The following MAP1LC3B2 variants were observed in gnomAD, a reference collection of about 807,000 sequenced individuals.
The protein encoded by MAP1LC3B2 is microtubule-associated protein 1 light chain 3 beta 2.
For synonymous variants in MAP1LC3B2, 62 were observed against 57.8 expected, an observed-to-expected ratio of 1.07 and a Z score of -0.33; for missense variants, 155 against 154.6, an observed-to-expected ratio of 1.00 and a Z score of -0.01.
chr12:116,574,893 C>A (rs1342043209), intron 1 of MAP1LC3B2, among the ~76,000 whole-genome samples: 2 of 151,616 alleles, frequency 1.3e-5, no homozygotes, highest in Non-Finnish European at 2.9e-5. Flanking sequence ...CCCTGCAACA[C>A]CTTGTTAAAT....
chr12:116,570,692 C>T (rs540048129), intron 1 of MAP1LC3B2, among the ~76,000 whole-genome samples: 1 of 152,292 alleles, frequency 6.6e-6, no homozygotes, highest in African/African-American at 2.4e-5. Flanking sequence ...GATTGTGAGG[C>T]CTCCCCAGCC....
At chr12:116,563,885 T>C (rs1313599352) in intron 1 of MAP1LC3B2, among the ~76,000 whole-genome samples, 1 of 152,144 alleles carries the variant, frequency 6.6e-6, no homozygotes, top group Admixed American at 6.5e-5. Flanking sequence ...CAGTCTTTAA[T>C]ATGCTGTTAA....
At chr12:116,563,952 C>G (rs756771854) in intron 1 of MAP1LC3B2, among the ~76,000 whole-genome samples, 1 of 151,820 alleles carries the variant, frequency 6.6e-6, no homozygotes, top group African/African-American at 2.4e-5. Flanking sequence ...GCTGTGTTGC[C>G]CAGGCTGGCC....
chr12:116,570,020 C>T (rs1869488557), intron 1 of MAP1LC3B2, among the ~76,000 whole-genome samples: 1 of 152,112 alleles, frequency 6.6e-6, no homozygotes, highest in Non-Finnish European at 1.5e-5. Context: ...CGCCACTGCA[C>T]TCCAGCCTGG....
intron 1 of MAP1LC3B2, among the ~76,000 whole-genome samples, chr12:116,568,835 T>C (rs150995089): frequency 1.4e-3 from 218 of 151,966 alleles, no homozygotes; most frequent in African/African-American, 5.1e-3. Context: ...CTTCCCAGCC[T>C]CTAGAACTGT....
chr12:116,576,010 T>C lies in MAP1LC3B2; in HGVS notation c.68T>C (p.Ile23Thr), dbSNP rs1869666596. 1.9e-6 allele frequency: 3 copies of C among 1,614,212 alleles called. No homozygotes were observed. The African/African-American group carries it at 4.0e-5, about 22-fold the overall frequency. The stretch of plus-strand genomic sequence containing the variant: ...CAAAGAGTAGAAGATGTCCGACTTA[T>C]TCGAGAGCAGCATCCAACCAAAATC... Reference protein sequence around the residue: ...FEQRVEDVRLIREQHPTKIPV... With the variant: ...FEQRVEDVRLTREQHPTKIPV... Residue 23 changes from isoleucine (I) to threonine (T), a missense_variant, in exon 2 of 2, where the codon ATT becomes ACT. Coordinates refer to ENST00000556529, the MANE Select transcript of MAP1LC3B2 (RefSeq NM_001085481.3).
intron 1 of MAP1LC3B2, among the ~76,000 whole-genome samples, chr12:116,570,275 A>T (rs913597695): frequency 1.3e-5 from 2 of 152,332 alleles, no homozygotes; most frequent in Middle Eastern, 3.4e-3. Flanking sequence ...TAGAAACTGT[A>T]CTTCAAGTAC....
intron 1 of MAP1LC3B2, 97 bp from the exon 2 acceptor site, chr12:116,575,745 G>A (rs994182495): frequency 3.1e-6 from 2 of 648,966 alleles, no homozygotes; most frequent in African/African-American, 3.7e-5. Context: ...GATGTTTTCT[G>A]TAAAAGAACA....
intron 1 of MAP1LC3B2, among the ~76,000 whole-genome samples, chr12:116,566,043 C>A (rs1869377768): frequency 6.6e-6 from 1 of 152,144 alleles, no homozygotes; most frequent in South Asian, 2.1e-4. Flanking sequence ...CACAACAAAT[C>A]CATTTTATGA....
chr12:116,560,394 G>A (rs1003965753), intron 1 of MAP1LC3B2, among the ~76,000 whole-genome samples: 10 of 151,712 alleles, frequency 6.6e-5, no homozygotes, highest in African/African-American at 1.9e-4. Context: ...GATTACAGGT[G>A]CGCCACCACG....
chr12:116,567,525 A>C (rs1280849448), intron 1 of MAP1LC3B2, among the ~76,000 whole-genome samples: 1 of 138,342 alleles, frequency 7.2e-6, no homozygotes, highest in Non-Finnish European at 1.5e-5. Flanking sequence ...ACGTGGGTGG[A>C]TCACTTGAGG....
intron 1 of MAP1LC3B2, chr12:116,560,188 C>CAATA (rs1491120344): frequency 4.5e-5 from 4 of 88,442 alleles, no homozygotes; most frequent in African/African-American, 1.4e-4. Context: ...CTAAGTTTGG[C>CAATA]TATATATATA....
rs1869236368 is a variant in MAP1LC3B2 at position 116,560,250 on chromosome 12, A to G, written c.-102+817A>G. Reference sequence around the variant, plus strand: ...TATATATATATATATATGTATGTATATGTATATATATATATTTAGATAGAG... The same window carrying G: ...TATATATATATATATATGTATGTATGTGTATATATATATATTTAGATAGAG... On this transcript the variant is annotated intron_variant, in intron 1 of 1. Transcript: ENST00000556529. 1.6e-5 allele frequency among the ~76,000 whole-genome samples: 2 copies of G among 126,676 alleles called. 1 individual carries two copies. Among genetic ancestry groups the G allele is most frequent in the African/African-American group, 5.8e-5 (2 of 34,318 alleles). 83.1% of individuals were successfully genotyped at this position (126,676 alleles called of 152,430 possible).
rs35147598 is a variant in MAP1LC3B2 at position 116,571,965 on chromosome 12, C to CAA, written c.-101-3867_-101-3866dup. On this transcript the variant is annotated intron_variant, in intron 1 of 1. Coordinates refer to ENST00000556529, the MANE Select transcript of MAP1LC3B2 (RefSeq NM_001085481.3). ...TTGTTTTCTATAGCTATGACCGTTA[C>CAA]AAAAAAAAAAAGGGTTAGGGAGAAA... Among the ~76,000 whole-genome samples, 687 of 136,916 alleles carry CAA rather than the reference C, an allele frequency of 5.0e-3. 11 individuals are homozygous for CAA. The highest frequency in any genetic ancestry group is 0.015 in the African/African-American group (542 of 37,020). The allele number at this position is 136,916 out of a possible 152,430, so 89.8% of individuals were successfully genotyped here.
intron 1 of MAP1LC3B2, among the ~76,000 whole-genome samples, chr12:116,572,177 A>G (rs1252039850): frequency 1.3e-5 from 2 of 152,156 alleles, no homozygotes; most frequent in East Asian, 1.9e-4. Flanking sequence ...AGAAAACCAA[A>G]GAGTTGTACC....
chr12:116,572,304 C>CT (rs1869557147), intron 1 of MAP1LC3B2, among the ~76,000 whole-genome samples: 1 of 151,798 alleles, frequency 6.6e-6, no homozygotes, highest in African/African-American at 2.4e-5. Flanking sequence ...TCCTGGTACA[C>CT]TAACATTTTC....
intron 1 of MAP1LC3B2, among the ~76,000 whole-genome samples, chr12:116,567,855 C>A (rs1030339545): frequency 6.6e-6 from 1 of 152,112 alleles, no homozygotes; most frequent in Non-Finnish European, 1.5e-5. Context: ...GAATGACAGA[C>A]TCATTTTATA....
chr12:116,572,403 C>T (rs1869560371), intron 1 of MAP1LC3B2, among the ~76,000 whole-genome samples: 1 of 143,232 alleles, frequency 7.0e-6, no homozygotes, highest in Non-Finnish European at 1.5e-5. Flanking sequence ...CTCGCTCTGT[C>T]GCCCAGGCTG....
intron 1 of MAP1LC3B2, among the ~76,000 whole-genome samples, chr12:116,572,460 G>T (rs931745912): frequency 3.3e-5 from 5 of 151,230 alleles, no homozygotes; most frequent in Non-Finnish European, 5.9e-5. Context: ...CGCCTCCCAG[G>T]CCCACACCAT....
Sources: allele counts gnomAD v4.1 joint callset (sites outside exome capture counted in the v4.1 genomes callset), GRCh38; gene constraint gnomAD v4.1.1; transcripts MANE v1.5; gene names NCBI Gene and HGNC (gene_info 2026-07-23, HGNC 2026-07-21).